Variants in CACNA1E observed in about 807,000 individuals in gnomAD.
CACNA1E encodes calcium voltage-gated channel subunit alpha1 E.
CACNA1E carries 40 observed loss-of-function variants against 259.2 expected under a neutral mutation model. The ratio of observed to expected loss-of-function variants is 0.15; its 90% CI spans 0.12 to 0.20. The LOEUF (loss-of-function observed/expected upper bound fraction) is 0.20, where lower values mean the gene tolerates loss of function less well. CACNA1E is among the 10% of genes least tolerant of loss of function. The pLI is 1.00. For missense variants in CACNA1E, 1,874 were observed against 3,040.1 expected (o/e 0.62, Z 9.02); for synonymous variants, 1,104 against 1,138.5 (o/e 0.97, Z 0.61).
intron 1 of CACNA1E, among the ~76,000 whole-genome samples, chr1:181,486,875 A>G (rs944825158): frequency 2.6e-5 from 4 of 152,188 alleles, no homozygotes; most frequent in African/African-American, 9.7e-5. Flanking sequence ...AGCTGCATCC[A>G]CATCACCTGG....
rs34128472 is a variant in CACNA1E, at chr1:181,801,964, T to TAGTC, written c.*3133_*3134insCAGT. 1 of 152,112 alleles carries TAGTC rather than the reference T, an allele frequency of 6.6e-6. No homozygotes were observed. The highest frequency in any genetic ancestry group is 6.5e-5 in the Admixed American group (1 of 15,274). The allele number at this position is 152,112 out of a possible 1,614,324, so 9.4% of individuals were successfully genotyped here. The stretch of plus-strand genomic sequence containing the variant: ...GAGATGTTCTAAGTAGGTTTGCATT[T>TAGTC]AGTTACCCCTCATTTCACTTAAGGC... On this transcript the variant is annotated 3_prime_UTR_variant, in exon 48 of 48. Transcript: ENST00000367573.
intron 2 of CACNA1E, among the ~76,000 whole-genome samples, chr1:181,429,492 C>T (rs183028794): frequency 2.0e-4 from 30 of 152,312 alleles, no homozygotes; most frequent in Non-Finnish European, 3.7e-4. Context: ...CTGTCTCAGG[C>T]GCCTCTCAAG....
intron 7 of CACNA1E, among the ~76,000 whole-genome samples, chr1:181,657,250 A>C (rs185489533): frequency 6.6e-6 from 1 of 152,272 alleles, no homozygotes; most frequent in East Asian, 1.9e-4. Flanking sequence ...TGATTACCTT[A>C]AGTGGATGGA....
At chr1:181,319,290 C>A (rs138218575) in intron 1 of CACNA1E, among the ~76,000 whole-genome samples, 1 of 152,284 alleles carries the variant, frequency 6.6e-6, no homozygotes, top group African/African-American at 2.4e-5. Flanking sequence ...TGTTTTCCTG[C>A]AAGGAAAGGA....
At chr1:181,544,390 C>A (rs1647234701) in intron 3 of CACNA1E, among the ~76,000 whole-genome samples, 1 of 120,164 alleles carries the variant, frequency 8.3e-6, no homozygotes, top group Non-Finnish European at 1.8e-5. Flanking sequence ...TTGCACAATC[C>A]TGAATATACT....
intron 6 of CACNA1E, among the ~76,000 whole-genome samples, chr1:181,642,208 C>T (rs1572465105): frequency 6.6e-6 from 1 of 152,034 alleles, no homozygotes; most frequent in South Asian, 2.1e-4. Context: ...CTTGGTTCTT[C>T]TGTAAAATGA....
intron 2 of CACNA1E, among the ~76,000 whole-genome samples, chr1:181,426,858 TTCACAA>T: frequency 7.0e-6 from 1 of 142,036 alleles, no homozygotes; most frequent in African/African-American, 2.7e-5. Flanking sequence ...TGTCAACCCC[TTCACAA>T]CTCAACCCCT....
chr1:181,600,685 A>G (rs962035747), intron 6 of CACNA1E, among the ~76,000 whole-genome samples: 14 of 152,166 alleles, frequency 9.2e-5, no homozygotes, highest in African/African-American at 3.4e-4. Context: ...TGGTTGAGCA[A>G]GGTCAAGAGT....
Position 181,732,704 on chromosome 1 carries a change from C to G in CACNA1E, c.2618C>G (p.Pro873Arg), listed in dbSNP as rs1316466639. ...AGTGCCCTGGACAACCAGAGGACCC[C>G]TTTGTCCCTGGGCCAGCGGGAGCCA... ...RSSALDNQRT[P>R]LSLGQREPPW... The change falls in exon 20 of 48, where the codon CCT (proline) becomes CGT (arginine). Residue 873 changes from proline (P) to arginine (R), a missense_variant. Physicochemically the swap from Pro to Arg is moderately radical, Grantham distance 103 (BLOSUM62 -2). Around this residue, in one of 14 missense-constraint regions of CACNA1E, gnomAD observed 476 missense variants for 514.0 expected, o/e 0.93. Coordinates refer to ENST00000367573, the MANE Select transcript of CACNA1E (RefSeq NM_001205293.3). This position sits in a 1 kb window ranked among gnomAD's most constrained non-coding sequence, Gnocchi z 5.5. The G allele has an allele frequency of 1.3e-6, 2 of 1,538,246 alleles. No homozygotes were observed. Among genetic ancestry groups the G allele is most frequent in the Non-Finnish European group, 1.7e-6 (2 of 1,144,024 alleles).
At chr1:181,562,596 T>A (rs1182679564) in intron 3 of CACNA1E, among the ~76,000 whole-genome samples, 1 of 152,198 alleles carries the variant, frequency 6.6e-6, no homozygotes, top group Non-Finnish European at 1.5e-5. Context: ...TTTCTTTCAC[T>A]TTCGGAGGTC....
At chr1:181,627,144 A>C (rs1322524526) in intron 6 of CACNA1E, among the ~76,000 whole-genome samples, 1 of 152,254 alleles carries the variant, frequency 6.6e-6, no homozygotes, top group African/African-American at 2.4e-5. Context: ...AGATGAAAGA[A>C]CAAGGAAGAA....
At chr1:181,540,338 G>C (rs896563840) in intron 3 of CACNA1E, among the ~76,000 whole-genome samples, 1 of 152,074 alleles carries the variant, frequency 6.6e-6, no homozygotes, top group African/African-American at 2.4e-5. Flanking sequence ...TGGCAACATG[G>C]TGTTTTATAT....
chr1:181,644,448 A>G (rs901995497), intron 6 of CACNA1E, among the ~76,000 whole-genome samples: 1 of 152,146 alleles, frequency 6.6e-6, no homozygotes, highest in African/African-American at 2.4e-5. Flanking sequence ...AACCCGTTAT[A>G]GGCATTTAAT....
In CACNA1E at chr1:181,651,340, C is replaced by T. The variant is rs147221625; in HGVS notation, c.954C>T (p.Thr318=). 374 of 1,606,398 alleles carry T rather than the reference C, an allele frequency of 2.3e-4. No individual in the cohort carries two copies. The African/African-American group carries it at 4.1e-3, about 18-fold the overall frequency. The change falls in exon 7 of 48, where the codon ACC becomes ACT. Residue 318 remains threonine (T), a splice_region_variant and synonymous_variant. Coordinates refer to ENST00000367573, the MANE Select transcript of CACNA1E (RefSeq NM_001205293.3). ...MEGWTTVLYN[T]NDALGATWNW... Reference sequence around the variant, plus strand: ...GGAACCATTTTTCTTTCTTTCAGACCAATGATGCCTTAGGAGCCACCTGGA... The same window carrying T: ...GGAACCATTTTTCTTTCTTTCAGACTAATGATGCCTTAGGAGCCACCTGGA...
chr1:181,341,066 T>C (rs1464042805), intron 1 of CACNA1E, among the ~76,000 whole-genome samples: 1 of 152,196 alleles, frequency 6.6e-6, no homozygotes, highest in African/African-American at 2.4e-5. Flanking sequence ...TCAGGCCTCT[T>C]ACCTTCCAGT....
intron 6 of CACNA1E, among the ~76,000 whole-genome samples, chr1:181,641,707 T>TTG (rs1657773844): frequency 2.9e-4 from 5 of 17,018 alleles, no homozygotes; most frequent in Admixed American, 1.1e-3. Context: ...TTTTTTGTTT[T>TTG]TTTTTTTTTT....
chr1:181,402,717 C>A (rs1277768965), intron 1 of CACNA1E, among the ~76,000 whole-genome samples: 1 of 152,126 alleles, frequency 6.6e-6, no homozygotes, highest in Non-Finnish European at 1.5e-5. Flanking sequence ...GAACTTATTA[C>A]CCCCCTGCAC....
chr1:181,462,756 G>A (rs1661904543), intron 2 of CACNA1E, among the ~76,000 whole-genome samples: 1 of 152,152 alleles, frequency 6.6e-6, no homozygotes, highest in African/African-American at 2.4e-5. Context: ...TTATTTACGT[G>A]ATACATAGAA....
intron 2 of CACNA1E, among the ~76,000 whole-genome samples, chr1:181,474,870 T>C (rs190966887): frequency 8.2e-4 from 125 of 152,376 alleles, no homozygotes; most frequent in Admixed American, 2.4e-3. Flanking sequence ...ATTGATAAGA[T>C]GGTGCTTGGG....
Sources: gnomAD v4.1 joint callset for allele counts (sites outside exome capture counted in the v4.1 genomes callset) on GRCh38, gnomAD v4.1.1 for gene constraint, gnomAD v4.1.1 regional missense constraint, Gnocchi (gnomAD v3.1) non-coding constraint, MANE v1.5 for transcripts, NCBI Gene and HGNC (gene_info 2026-07-23, HGNC 2026-07-21) for gene names.